The following NMT1 variants were observed in gnomAD, a reference collection of about 807,000 sequenced individuals.
NMT1 encodes glycylpeptide N-tetradecanoyltransferase 1.
NMT1 carries 12 observed loss-of-function variants against 63.4 expected under a neutral mutation model. The ratio of observed to expected loss-of-function variants is 0.19; its 90% confidence interval spans 0.12 to 0.31. The LOEUF is 0.31. NMT1 is among the 10% of genes least tolerant of loss of function. The pLI is 1.00. For missense variants in NMT1, 432 were observed against 634.6 expected (o/e 0.68, Z 3.43); for synonymous variants, 228 against 234.3 (o/e 0.97, Z 0.25).
chr17:45,089,507 A>G (rs2054075049), intron 3 of NMT1, among the ~76,000 whole-genome samples: 1 of 151,888 alleles, frequency 6.6e-6, no homozygotes, highest in Admixed American at 6.6e-5. Flanking sequence ...ACGCCCGGCT[A>G]ATTTTTGTAT....
At chr17:45,097,504 G>A (rs2092344417) in intron 6 of NMT1, among the ~76,000 whole-genome samples, 1 of 151,910 alleles carries the variant, frequency 6.6e-6, no homozygotes, top group African/African-American at 2.4e-5. Flanking sequence ...GCAGAGGCTT[G>A]TTTTTGTTTT....
At chr17:45,087,445 C>G (rs1489842089) in intron 3 of NMT1, among the ~76,000 whole-genome samples, 1 of 152,076 alleles carries the variant, frequency 6.6e-6, no homozygotes, top group East Asian at 1.9e-4. Flanking sequence ...CATTAGCACC[C>G]CTTAAAAAAG....
rs775510228 is a variant in NMT1, at chr17:45,096,270, C to T, written c.581C>T (p.Pro194Leu). Residue 194 changes from proline to leucine, a missense_variant, in exon 5 of 12, where the codon CCG (proline) becomes CTG (leucine). By Grantham distance (98) the Pro-to-Leu change is moderately conservative (BLOSUM62 -3). This residue lies in a region of NMT1 where 295 missense variants were observed against 489.7 expected (regional missense o/e 0.60). Coordinates refer to ENST00000258960, the MANE Select transcript of NMT1 (RefSeq NM_021079.5). Reference sequence around the variant, plus strand: ...AACATGTTCCGATTTGATTATTCCCCGGAGTTTCTTTTGTGGTAAGTTGTG... The same window carrying T: ...AACATGTTCCGATTTGATTATTCCCTGGAGTTTCTTTTGTGGTAAGTTGTG... ...DDNMFRFDYS[P>L]EFLLWALRPP... 12 of 1,613,792 alleles carry T rather than the reference C, an allele frequency of 7.4e-6. No homozygotes were observed. Among genetic ancestry groups the T allele is most frequent in the South Asian group, 1.1e-5 (1 of 91,066 alleles).
In NMT1 at chr17:45,097,203, G is replaced by C. The variant is rs2054130469; in HGVS notation, c.672G>C (p.Gly224=). The C allele has an allele frequency of 1.2e-6, 2 of 1,614,060 alleles. No homozygotes were observed. Among genetic ancestry groups the C allele is most frequent in the South Asian group, 2.2e-5 (2 of 91,094 alleles). The change falls in exon 6 of 12, where the codon GGG becomes GGC. Residue 224 remains glycine, a synonymous_variant. Transcript: ENST00000258960. ...TGGTCTCAAGTCGGAAATTGGTTGG[G>C]TTCATTAGCGCCATCCCAGCAAACA... ...VRVVSSRKLV[G]FISAIPANIH...
Position 45,096,217 on chromosome 17 carries a change from G to A in NMT1, c.528G>A (p.Leu176=). 3.1e-6 allele frequency: 5 copies of A among 1,614,010 alleles called. No homozygotes were observed. Among genetic ancestry groups the A allele is most frequent in the Non-Finnish European group, 4.2e-6 (5 of 1,179,844 alleles). Residue 176 remains leucine (L), a synonymous_variant, in exon 5 of 12, where the codon CTG becomes CTA. Transcript: ENST00000258960. ...AGCTAAAAGAACTGTACACCCTCCT[G>A]AATGAGAACTATGTGGAAGATGATG... ...RGVLKELYTL[L]NENYVEDDDN... is the part of the protein sequence containing the mutation.
At chr17:45,070,639 G>C (rs774771884) in intron 1 of NMT1, among the ~76,000 whole-genome samples, 1 of 146,868 alleles carries the variant, frequency 6.8e-6, no homozygotes, top group Non-Finnish European at 1.5e-5. Context: ...GGATGGTCTC[G>C]ATCTCCTGAC....
Position 45,103,170 on chromosome 17 carries a change from C to T in NMT1, c.1164+49C>T. 3 of 1,561,644 alleles carry T rather than the reference C, an allele frequency of 1.9e-6. No individual in the cohort carries two copies. The highest frequency in any genetic ancestry group is 1.7e-5 in the Admixed American group (1 of 58,764). The stretch of plus-strand genomic sequence containing the variant: ...GGTCTCTAACACGTTCCCAGAGAGG[C>T]ACCCCCCTGAGTGGCCGGGTTCCCA... On this transcript the variant is annotated intron_variant, in intron 9 of 11. Transcript: ENST00000258960. This position sits in a 1 kb window ranked among gnomAD's most constrained non-coding sequence, Gnocchi z 4.8.
intron 7 of NMT1, 189 bp downstream of exon 7, chr17:45,098,741 A>G: frequency 1.8e-6 from 1 of 545,230 alleles, no homozygotes; most frequent in Non-Finnish European, 3.3e-6. Flanking sequence ...TAGGGATGGC[A>G]GATTGGCAAG....
Position 45,106,190 on chromosome 17 carries a change from G to C in NMT1, c.*551G>C, listed in dbSNP as rs757917677. ...GAGAACCTCATCCAGCTCCCCTTCT[G>C]AATCAGCTGGGATGACTGGCTTTGA... is the stretch of plus-strand genomic sequence containing the variant. On this transcript the variant is annotated 3_prime_UTR_variant, in exon 12 of 12. Coordinates refer to ENST00000258960, the MANE Select transcript of NMT1 (RefSeq NM_021079.5). 6.6e-6 allele frequency: 1 copy of C among 152,570 alleles called. No individual in the cohort carries two copies. The highest frequency in any genetic ancestry group is 2.4e-5 in the African/African-American group (1 of 41,418). 9.5% of individuals were successfully genotyped at this position (152,570 alleles called of 1,614,324 possible). A position where few individuals can be genotyped will look rare whatever the true frequency, so the allele number is the denominator to read the frequency against.
In NMT1 at chr17:45,103,966, T is replaced by C. The variant is rs1379574344; in HGVS notation, c.1332+90T>C. 3 of 1,600,920 alleles carry C rather than the reference T, an allele frequency of 1.9e-6. No homozygotes were observed. The highest frequency in any genetic ancestry group is 1.6e-4 in the Middle Eastern group (1 of 6,062). On this transcript the variant is annotated intron_variant, in intron 10 of 11. Coordinates refer to ENST00000258960, the MANE Select transcript of NMT1 (RefSeq NM_021079.5). This position sits in a 1 kb window ranked among gnomAD's most constrained non-coding sequence, Gnocchi z 4.8. The stretch of plus-strand genomic sequence containing the variant: ...ACAGCTCCCGGGACGCAGCCTCCCA[T>C]GGGCTGGAGGCTCTGAGCCCTCCTC...
At chr17:45,087,852 AAGG>A (rs1439494653) in intron 3 of NMT1, among the ~76,000 whole-genome samples, 1 of 152,262 alleles carries the variant, frequency 6.6e-6, no homozygotes, top group South Asian at 2.1e-4. Context: ...AGCTGTGCCC[AAGG>A]AGATTTGTTT....
chr17:45,064,141 C>T (rs894062791), intron 1 of NMT1, among the ~76,000 whole-genome samples: 3 of 152,216 alleles, frequency 2.0e-5, no homozygotes, highest in South Asian at 2.1e-4. Context: ...GCTGAGATTG[C>T]GCCACTGCAC....
At chr17:45,089,112 C>G (rs1367748531) in intron 3 of NMT1, among the ~76,000 whole-genome samples, 1 of 152,180 alleles carries the variant, frequency 6.6e-6, no homozygotes, top group Non-Finnish European at 1.5e-5. Flanking sequence ...AAAGTGCCAC[C>G]TTGGCAGGCG....
chr17:45,063,699 C>T (rs2053882973), intron 1 of NMT1, among the ~76,000 whole-genome samples: 1 of 151,586 alleles, frequency 6.6e-6, no homozygotes, highest in African/African-American at 2.4e-5. Context: ...AGTTCGAGAA[C>T]AGCATGGCCA....
At chr17:45,065,639 A>G (rs1009959586) in intron 1 of NMT1, among the ~76,000 whole-genome samples, 5 of 151,206 alleles carry the variant, frequency 3.3e-5, no homozygotes, top group Admixed American at 2.0e-4. Flanking sequence ...AAAAAAAAAA[A>G]AAAAAGAAAT....
chr17:45,069,160 C>A (rs1054340023), intron 1 of NMT1, among the ~76,000 whole-genome samples: 2 of 150,026 alleles, frequency 1.3e-5, no homozygotes, highest in Non-Finnish European at 2.9e-5. Flanking sequence ...GGGGTTTCAC[C>A]ATCTTGGCCA....
chr17:45,067,627 C>T (rs1197441101), intron 1 of NMT1, among the ~76,000 whole-genome samples: 3 of 152,190 alleles, frequency 2.0e-5, no homozygotes, highest in Non-Finnish European at 2.9e-5. Flanking sequence ...CTTATAGCTG[C>T]AGCTAGCTCT....
chr17:45,101,448 C>G (rs999202853), intron 8 of NMT1, among the ~76,000 whole-genome samples: 4 of 150,692 alleles, frequency 2.7e-5, no homozygotes, highest in African/African-American at 9.8e-5. Flanking sequence ...ATGGTGAAAC[C>G]CTGTCTCTAC....
chr17:45,068,591 A>C (rs1039557780), intron 1 of NMT1, among the ~76,000 whole-genome samples: 1 of 152,202 alleles, frequency 6.6e-6, no homozygotes, highest in African/African-American at 2.4e-5. Context: ...GCATTGTGCT[A>C]AGCCCTTTAC....
Sources: allele counts gnomAD v4.1 joint callset (sites outside exome capture counted in the v4.1 genomes callset), GRCh38; gene constraint gnomAD v4.1.1; regional missense constraint gnomAD v4.1.1; non-coding constraint Gnocchi (gnomAD v3.1); transcripts MANE v1.5; gene names NCBI Gene and HGNC (gene_info 2026-07-23, HGNC 2026-07-21).